The following CAMK1D variants were observed in gnomAD, a reference collection of about 807,000 sequenced individuals.
CAMK1D encodes the protein calcium/calmodulin dependent protein kinase ID.
A neutral mutation model predicts 47.7 loss-of-function variants in CAMK1D; 9 were observed. The ratio of observed to expected loss-of-function variants is 0.19; its 90% CI spans 0.11 to 0.33. CAMK1D has a LOEUF of 0.33. CAMK1D is among the 10% of genes least tolerant of loss of function. The probability of loss-of-function intolerance (pLI) is 1.00; values close to 1 mark genes in which losing one functional copy is unlikely to be tolerated. For synonymous variants in CAMK1D, 184 were observed against 184.9 expected, an observed-to-expected ratio of 0.99 and a Z score of 0.04; for missense variants, 291 against 488.7, an observed-to-expected ratio of 0.60 and a Z score of 3.81.
intron 1 of CAMK1D, among the ~76,000 whole-genome samples, chr10:12,389,928 T>C (rs1377639491): frequency 6.6e-6 from 1 of 152,002 alleles, no homozygotes; most frequent in East Asian, 1.9e-4. Flanking sequence ...TCCTTGAGCC[T>C]CAAAGAGAAG....
At chr10:12,583,611 T>TA (rs1837727758) in intron 2 of CAMK1D, among the ~76,000 whole-genome samples, 1 of 151,082 alleles carries the variant, frequency 6.6e-6, no homozygotes, top group South Asian at 2.1e-4. Context: ...TTTTATTTTT[T>TA]TTTTTTTTTG....
intron 1 of CAMK1D, among the ~76,000 whole-genome samples, chr10:12,485,322 TCCTGGGATG>T (rs2132107592): frequency 6.6e-6 from 1 of 152,282 alleles, no homozygotes; most frequent in African/African-American, 2.4e-5. Flanking sequence ...CAGTGGTGGC[TCCTGGGATG>T]GTCAGAGCTT....
intron 3 of CAMK1D, among the ~76,000 whole-genome samples, chr10:12,714,761 T>C (rs1188423034): frequency 2.3e-5 from 3 of 130,518 alleles, no homozygotes; most frequent in Non-Finnish European, 3.2e-5. Context: ...TACATTAAAT[T>C]ACACACACAC....
At chr10:12,679,942 C>T (rs886389972) in intron 3 of CAMK1D, among the ~76,000 whole-genome samples, 3 of 152,200 alleles carry the variant, frequency 2.0e-5, no homozygotes, top group Non-Finnish European at 4.4e-5. Flanking sequence ...GCAATCATTG[C>T]GAGTTACAGT....
intron 1 of CAMK1D, among the ~76,000 whole-genome samples, chr10:12,504,615 G>A (rs933336044): frequency 6.6e-6 from 1 of 152,128 alleles, no homozygotes; most frequent in Non-Finnish European, 1.5e-5. Context: ...TGCTTTACCA[G>A]CTTTTTGGGA....
chr10:12,654,917 A>G (rs1263017337), intron 2 of CAMK1D, among the ~76,000 whole-genome samples: 1 of 152,224 alleles, frequency 6.6e-6, no homozygotes, highest in Non-Finnish European at 1.5e-5. Context: ...TGGAGAAACT[A>G]TAAAGAACTT....
chr10:12,613,709 A>G (rs769585193), intron 2 of CAMK1D, among the ~76,000 whole-genome samples: 2 of 152,064 alleles, frequency 1.3e-5, no homozygotes, highest in Admixed American at 6.6e-5. Context: ...CGCACTCCTG[A>G]CCTCACGATC....
At chr10:12,603,873 T>A (rs1340657260) in intron 2 of CAMK1D, among the ~76,000 whole-genome samples, 1 of 152,216 alleles carries the variant, frequency 6.6e-6, no homozygotes, top group African/African-American at 2.4e-5. Flanking sequence ...ACACTCTGGC[T>A]GTGACTTATT....
chr10:12,460,781 C>T (rs938338497), intron 1 of CAMK1D, among the ~76,000 whole-genome samples: 14 of 151,842 alleles, frequency 9.2e-5, no homozygotes, highest in African/African-American at 2.9e-4. Context: ...TGCCCAGGCT[C>T]GTCTTGAACT....
chr10:12,439,959 TCTC>T (rs1302065266), intron 1 of CAMK1D, among the ~76,000 whole-genome samples: 1 of 152,116 alleles, frequency 6.6e-6, no homozygotes, highest in African/African-American at 2.4e-5. Context: ...AACCATCAGA[TCTC>T]GTGAGAGACC....
rs1554789286 is a variant in CAMK1D at position 12,564,155 on chromosome 10, C to CTCTCTGTCTG, written c.224+10804_224+10805insGTCTGTCTCT. The stretch of plus-strand genomic sequence containing the variant: ...TCTCTCTCTCTCTCTCTGTCTCTCT[C>CTCTCTGTCTG]TCTCTCTCTCTCTCTCTCTCTCTCT... On this transcript the variant is annotated intron_variant, in intron 2 of 10. Transcript: ENST00000619168. 9.6e-4 allele frequency among the ~76,000 whole-genome samples: 99 copies of CTCTCTGTCTG among 103,486 alleles called. 1 individual carries two copies. The highest frequency in any genetic ancestry group is 3.1e-3 in the African/African-American group (81 of 26,402). The allele number at this position is 103,486 out of a possible 152,430, so 67.9% of individuals were successfully genotyped here.
intron 2 of CAMK1D, among the ~76,000 whole-genome samples, chr10:12,652,748 T>C (rs186991813): frequency 6.6e-6 from 1 of 152,364 alleles, no homozygotes; most frequent in Non-Finnish European, 1.5e-5. Context: ...ATTAGCAGGA[T>C]ATAATAGAAC....
At chr10:12,810,328 GCAGTGGTGTGATCT>G (rs1832551794) in intron 6 of CAMK1D, among the ~76,000 whole-genome samples, 1 of 145,622 alleles carries the variant, frequency 6.9e-6, no homozygotes, top group Non-Finnish European at 1.5e-5. Flanking sequence ...AGGCTGGAGT[GCAGTGGTGTGATCT>G]CAGCTCACTG....
intron 2 of CAMK1D, among the ~76,000 whole-genome samples, chr10:12,640,128 C>T (rs1474898752): frequency 1.3e-5 from 2 of 152,052 alleles, no homozygotes; most frequent in Non-Finnish European, 2.9e-5. Context: ...CGCTCCTAGC[C>T]CCAGCAATTT....
intron 2 of CAMK1D, among the ~76,000 whole-genome samples, chr10:12,615,977 T>G (rs929836004): frequency 2.8e-5 from 4 of 142,792 alleles, no homozygotes; most frequent in African/African-American, 9.8e-5. Flanking sequence ...TGTGTGCATG[T>G]GTGTTGTGTC....
intron 6 of CAMK1D, among the ~76,000 whole-genome samples, chr10:12,809,652 A>G (rs1805876771): frequency 6.6e-6 from 1 of 152,246 alleles, no homozygotes; most frequent in African/African-American, 2.4e-5. Context: ...CATATAATGC[A>G]GGATCCCACT....
chr10:12,596,444 A>G (rs986775315), intron 2 of CAMK1D, among the ~76,000 whole-genome samples: 19 of 152,180 alleles, frequency 1.2e-4, no homozygotes, highest in Admixed American at 9.2e-4. Flanking sequence ...GGTTAGGCTT[A>G]CATTTCACTT....
chr10:12,797,169 T>G (rs901251018), intron 6 of CAMK1D, among the ~76,000 whole-genome samples: 1 of 150,562 alleles, frequency 6.6e-6, no homozygotes, highest in Non-Finnish European at 1.5e-5. Context: ...CTCTTTCTCT[T>G]GGCTGGGTAG....
chr10:12,754,924 A>G (rs4335437), intron 3 of CAMK1D, among the ~76,000 whole-genome samples: 106,469 of 151,978 alleles, frequency 0.7, 37,709 homozygotes, highest in African/African-American at 0.79. Flanking sequence ...TCAGGACTTT[A>G]CCATATGGAT....
Sources: allele counts gnomAD v4.1 joint callset (sites outside exome capture counted in the v4.1 genomes callset), GRCh38; gene constraint gnomAD v4.1.1; transcripts MANE v1.5; gene names NCBI Gene and HGNC (gene_info 2026-07-23, HGNC 2026-07-21).